The following PDE4D variants were observed in gnomAD, a reference collection of about 807,000 sequenced individuals.
The protein encoded by PDE4D is phosphodiesterase 4D.
PDE4D carries 24 observed loss-of-function variants against 87.4 expected under a neutral mutation model. That is an observed-to-expected ratio of 0.27 (90% CI 0.20 to 0.39). The LOEUF (loss-of-function observed/expected upper bound fraction) is 0.39. PDE4D is among the 10% of genes least tolerant of loss of function. The pLI is 1.00. For synonymous variants in PDE4D, 384 were observed against 383.2 expected, an observed-to-expected ratio of 1.00 and a Z score of -0.02; for missense variants, 714 against 1,041.0, an observed-to-expected ratio of 0.69 and a Z score of 4.32.
intron 2 of PDE4D, among the ~76,000 whole-genome samples, chr5:60,038,481 T>C (rs753855276): frequency 6.6e-6 from 1 of 152,102 alleles, no homozygotes; most frequent in East Asian, 1.9e-4. Flanking sequence ...TCCACTGATC[T>C]ATATCTCTGT....
At chr5:60,403,197 G>T (rs928856394) in intron 1 of PDE4D, among the ~76,000 whole-genome samples, 10 of 152,190 alleles carry the variant, frequency 6.6e-5, no homozygotes, top group Non-Finnish European at 1.3e-4. Flanking sequence ...CAAAACCATG[G>T]CACACAATAG....
chr5:60,434,362 A>C (rs1744597514), intron 1 of PDE4D, among the ~76,000 whole-genome samples: 5 of 152,162 alleles, frequency 3.3e-5, no homozygotes, highest in Admixed American at 3.3e-4. Flanking sequence ...AAATTATCAG[A>C]AACCAAAGGC....
chr5:60,209,817 A>G (rs1462321507), intron 1 of PDE4D, among the ~76,000 whole-genome samples: 2 of 152,142 alleles, frequency 1.3e-5, no homozygotes, highest in Non-Finnish European at 2.9e-5. Flanking sequence ...GTGTTTTTTA[A>G]TTATCTTGAA....
intron 5 of PDE4D, chr5:59,179,572 A>G: frequency 2.7e-6 from 1 of 376,902 alleles, no homozygotes; most frequent in South Asian, 2.0e-5. Flanking sequence ...ACATTCAGAA[A>G]AGATGACATT....
intron 1 of PDE4D, among the ~76,000 whole-genome samples, chr5:60,244,125 T>C (rs1371631163): frequency 6.6e-6 from 1 of 151,808 alleles, no homozygotes; most frequent in African/African-American, 2.4e-5. Context: ...ACAAAATCAA[T>C]ATAGAAAAAT....
At chr5:59,448,324 C>T (rs754659798) in intron 1 of PDE4D, among the ~76,000 whole-genome samples, 2 of 152,136 alleles carry the variant, frequency 1.3e-5, no homozygotes, top group Non-Finnish European at 2.9e-5. Context: ...GCCTATTTCC[C>T]TTCTCCATGT....
chr5:60,211,434 T>C (rs1420880809), intron 1 of PDE4D, among the ~76,000 whole-genome samples: 3 of 147,768 alleles, frequency 2.0e-5, no homozygotes, highest in South Asian at 2.2e-4. Flanking sequence ...AAGAGAAAGC[T>C]ACTTGCTTTA....
rs560082280 is a variant in PDE4D at position 60,090,325 on chromosome 5, T to A, written c.42+95232A>T. Among the ~76,000 whole-genome samples the A allele has an allele frequency of 6.2e-4, 94 of 152,234 alleles. 1 individual carries two copies. In the Middle Eastern group the frequency reaches 0.041, roughly 66 times the overall value. ...GAATTCAACAAAACATTAAAAATATTCATTATGACCAAGTGGGATTTATCC... is the reference window on the plus strand; with the variant it reads ...GAATTCAACAAAACATTAAAAATATACATTATGACCAAGTGGGATTTATCC... On this transcript the variant is annotated intron_variant, in intron 2 of 16. Coordinates refer to the PDE4D transcript ENST00000502484.
chr5:60,107,693 G>A (rs1427579323), intron 2 of PDE4D, among the ~76,000 whole-genome samples: 1 of 152,146 alleles, frequency 6.6e-6, no homozygotes, highest in African/African-American at 2.4e-5. Flanking sequence ...GGGATGCAAG[G>A]CTGGTTCAAT....
At chr5:60,103,759 GA>G (rs1387957928) in intron 2 of PDE4D, among the ~76,000 whole-genome samples, 14 of 151,388 alleles carry the variant, frequency 9.2e-5, no homozygotes, top group African/African-American at 3.4e-4. Context: ...TAAATTAAAA[GA>G]AAAAATGGTT....
At chr5:60,415,763 GC>G (rs893721016) in intron 1 of PDE4D, among the ~76,000 whole-genome samples, 1 of 152,232 alleles carries the variant, frequency 6.6e-6, no homozygotes, top group Non-Finnish European at 1.5e-5. Context: ...GCTCCAGGGC[GC>G]CCAGTCCCAT....
At chr5:59,786,128 C>G (rs1417952480) in intron 1 of PDE4D, among the ~76,000 whole-genome samples, 1 of 152,112 alleles carries the variant, frequency 6.6e-6, no homozygotes, top group African/African-American at 2.4e-5. Context: ...ATTTTCTAGC[C>G]TTTAGAAAAT....
chr5:60,423,131 T>A (rs1010627832), intron 1 of PDE4D, among the ~76,000 whole-genome samples: 6 of 152,158 alleles, frequency 3.9e-5, no homozygotes, highest in Non-Finnish European at 7.3e-5. Flanking sequence ...ATTAGACCGA[T>A]CAACCAGAGA....
chr5:59,356,369 C>T (rs965813331), intron 1 of PDE4D, among the ~76,000 whole-genome samples: 5 of 152,284 alleles, frequency 3.3e-5, no homozygotes, highest in Non-Finnish European at 5.9e-5. Context: ...TTTTCATGTG[C>T]ATGTGCCCTG....
chr5:60,394,848 A>G (rs1158619127), intron 1 of PDE4D, among the ~76,000 whole-genome samples: 2 of 152,220 alleles, frequency 1.3e-5, no homozygotes, highest in Non-Finnish European at 2.9e-5. Context: ...ATGAATCTAC[A>G]TTAATATCCT....
intron 1 of PDE4D, among the ~76,000 whole-genome samples, chr5:59,650,978 G>A (rs967729440): frequency 4.7e-4 from 72 of 152,116 alleles, no homozygotes; most frequent in African/African-American, 1.5e-3. Flanking sequence ...ATTGTTGGCC[G>A]GGCGCGGTGG....
At chr5:58,999,547 T>A (rs1561271628) in intron 6 of PDE4D, 2 of 1,409,874 alleles carry the variant, frequency 1.4e-6, no homozygotes, top group African/African-American at 3.8e-5. Flanking sequence ...TTTTGATTGA[T>A]TATATGTATA....
intron 1 of PDE4D, among the ~76,000 whole-genome samples, chr5:59,255,043 G>A: frequency 6.6e-6 from 1 of 152,020 alleles, no homozygotes; most frequent in Non-Finnish European, 1.5e-5. Context: ...ATTTGTCCCA[G>A]CAATTCCACT....
chr5:59,819,534 G>C (rs531633271), intron 1 of PDE4D, among the ~76,000 whole-genome samples: 1 of 152,222 alleles, frequency 6.6e-6, no homozygotes, highest in Non-Finnish European at 1.5e-5. Context: ...TGATAACGTA[G>C]AGTTGTCCTC....
Sources: allele counts gnomAD v4.1 joint callset (sites outside exome capture counted in the v4.1 genomes callset), GRCh38; gene constraint gnomAD v4.1.1; transcripts MANE v1.5; gene names NCBI Gene and HGNC (gene_info 2026-07-23, HGNC 2026-07-21).